Variants in NBEA observed in about 807,000 individuals in gnomAD.
NBEA encodes the protein neurobeachin.
Under a neutral mutation model 343.4 loss-of-function variants are expected in NBEA, and 44 were observed. That is an observed-to-expected ratio of 0.13 (90% confidence interval 0.10 to 0.16). The LOEUF is 0.16. NBEA is among the 10% of genes least tolerant of loss of function. NBEA has a pLI of 1.00. For synonymous variants in NBEA, 1,175 were observed against 1,238.7 expected, an observed-to-expected ratio of 0.95 and a Z score of 1.08; for missense variants, 2,555 against 3,631.3, an observed-to-expected ratio of 0.70 and a Z score of 7.62.
chr13:35,308,472 A>ATGTGTATATATATG (rs1229987422), intron 35 of NBEA, among the ~76,000 whole-genome samples: 1 of 98,460 alleles, frequency 1.0e-5, no homozygotes, highest in Non-Finnish European at 2.0e-5. Context: ...ATATATATAT[A>ATGTGTATATATATG]TGTATATATA....
At chr13:35,644,530 G>C (rs2084125382) in intron 49 of NBEA, among the ~76,000 whole-genome samples, 1 of 152,170 alleles carries the variant, frequency 6.6e-6, no homozygotes, top group African/African-American at 2.4e-5. Context: ...CACTGATCTA[G>C]AGATTAAAAC....
Position 35,509,281 on chromosome 13 carries a change from A to G in NBEA, c.6585+36745A>G, listed in dbSNP as rs149550093. The stretch of plus-strand genomic sequence containing the variant: ...CGCCACAACAGGAAATAAGTTCAGA[A>G]AGCTGTTACTTATAGATCCTGGGCA... On this transcript the variant is annotated intron_variant, in intron 41 of 58. Transcript: ENST00000379939. Among the ~76,000 whole-genome samples the G allele has an allele frequency of 4.4e-3, 665 of 152,274 alleles. 4 individuals carry two copies. Among genetic ancestry groups the G allele is most frequent in the African/African-American group, 0.015 (632 of 41,566 alleles).
chr13:35,627,994 A>T, intron 48 of NBEA, 87 bp from the exon 49 acceptor site: 2 of 963,556 alleles, frequency 2.1e-6, no homozygotes, highest in Non-Finnish European at 3.0e-6. Flanking sequence ...TCCTTTTTAT[A>T]TATATTTCAA....
intron 28 of NBEA, among the ~76,000 whole-genome samples, chr13:35,180,658 C>T (rs1593636245): frequency 6.6e-6 from 1 of 151,566 alleles, no homozygotes; most frequent in African/African-American, 2.4e-5. Context: ...GAATAATGGA[C>T]TATTATTTCT....
chr13:35,423,267 G>T (rs1422940725), intron 38 of NBEA, among the ~76,000 whole-genome samples: 3 of 152,128 alleles, frequency 2.0e-5, no homozygotes, highest in Non-Finnish European at 4.4e-5. Flanking sequence ...TTCTTTTAGG[G>T]ATTTTATGGT....
In NBEA at chr13:35,053,228, A is replaced by G. The variant is rs547893294; in HGVS notation, c.973-2782A>G. On this transcript the variant is annotated intron_variant, in intron 6 of 58. Transcript: ENST00000379939. ...TTATTTAGTTATACCACATTATGCA[A>G]AAAACAAAGGCCTAAAGGTCTGTTT... Among the ~76,000 whole-genome samples the G allele has an allele frequency of 2.6e-5, 4 of 152,270 alleles. No homozygotes were observed. The South Asian group carries it at 8.3e-4, about 32-fold the overall frequency.
intron 41 of NBEA, among the ~76,000 whole-genome samples, chr13:35,521,954 G>A (rs2077736100): frequency 6.6e-6 from 1 of 152,130 alleles, no homozygotes; most frequent in Non-Finnish European, 1.5e-5. Context: ...GAGAAAGATA[G>A]GAAGATTCTT....
At chr13:35,614,938 A>G (rs2082669253) in intron 48 of NBEA, among the ~76,000 whole-genome samples, 1 of 152,014 alleles carries the variant, frequency 6.6e-6, no homozygotes, top group Admixed American at 6.6e-5. Context: ...CATAATGGCA[A>G]TGATAGTGCT....
At chr13:34,957,079 A>G (rs955214301) in intron 1 of NBEA, among the ~76,000 whole-genome samples, 2 of 150,574 alleles carry the variant, frequency 1.3e-5, no homozygotes, top group African/African-American at 4.8e-5. Context: ...ATGTATAAAC[A>G]CAAACACATA....
chr13:35,041,068 C>T lies in NBEA; in HGVS notation c.430C>T (p.Leu144=). 2.5e-6 allele frequency: 4 copies of T among 1,613,130 alleles called. No homozygotes were observed. The highest frequency in any genetic ancestry group is 3.4e-6 in the Non-Finnish European group (4 of 1,179,426). The change falls in exon 2 of 59, where the codon CTA becomes TTA. Residue 144 remains leucine, a synonymous_variant. Coordinates refer to ENST00000379939, the MANE Select transcript of NBEA (RefSeq NM_001385012.1). ...AEIWSMFTAI[L]RKSVRNLQTS... Reference sequence around the variant, plus strand: ...AATATGGAGCATGTTTACAGCCATTCTACGAAAAAGTGTTCGGAATTTACA... The same window carrying T: ...AATATGGAGCATGTTTACAGCCATTTTACGAAAAAGTGTTCGGAATTTACA...
intron 41 of NBEA, among the ~76,000 whole-genome samples, chr13:35,531,889 A>C (rs1052983292): frequency 2.0e-5 from 3 of 152,164 alleles, no homozygotes; most frequent in Non-Finnish European, 4.4e-5. Context: ...TTCTTTTTTC[A>C]GCTTTTCACT....
intron 39 of NBEA, among the ~76,000 whole-genome samples, chr13:35,439,848 A>G (rs951222866): frequency 7.2e-5 from 11 of 151,902 alleles, no homozygotes; most frequent in African/African-American, 2.4e-4. Flanking sequence ...CTCAGTTGCT[A>G]TTTTTTTATT....
chr13:35,584,810 T>C (rs2081220700), intron 46 of NBEA, among the ~76,000 whole-genome samples: 1 of 151,888 alleles, frequency 6.6e-6, no homozygotes, highest in Non-Finnish European at 1.5e-5. Flanking sequence ...CAGCTATTAT[T>C]TTTAAACATG....
intron 45 of NBEA, among the ~76,000 whole-genome samples, chr13:35,574,140 G>T (rs2080590558): frequency 6.6e-6 from 1 of 152,020 alleles, no homozygotes. Context: ...TTTTGCATGT[G>T]TTTATTATAT....
intron 1 of NBEA, among the ~76,000 whole-genome samples, chr13:35,034,474 T>C (rs558184485): frequency 7.9e-5 from 12 of 151,898 alleles, no homozygotes; most frequent in South Asian, 2.1e-4. Flanking sequence ...TAGTTTTCTT[T>C]ATTTTATTTT....
intron 34 of NBEA, among the ~76,000 whole-genome samples, chr13:35,246,847 G>T (rs772677733): frequency 1.3e-5 from 2 of 152,160 alleles, no homozygotes; most frequent in Non-Finnish European, 2.9e-5. Context: ...CAGGGCCCTA[G>T]ATCTCCAAAG....
At chr13:35,342,831 A>C (rs1319254214) in intron 36 of NBEA, among the ~76,000 whole-genome samples, 1 of 151,872 alleles carries the variant, frequency 6.6e-6, no homozygotes, top group Admixed American at 6.6e-5. Context: ...TCTATCCCCA[A>C]CCCCTCCCCA....
At chr13:35,409,599 T>A (rs2043468485) in intron 38 of NBEA, among the ~76,000 whole-genome samples, 1 of 152,184 alleles carries the variant, frequency 6.6e-6, no homozygotes, top group Non-Finnish European at 1.5e-5. Flanking sequence ...TTATTTTTCA[T>A]ATTATGTAAC....
intron 41 of NBEA, among the ~76,000 whole-genome samples, chr13:35,515,581 A>G (rs1036821537): frequency 1.8e-4 from 27 of 152,184 alleles, no homozygotes; most frequent in Admixed American, 1.3e-4. Context: ...ATTGCCAAAA[A>G]ATTGCTATTT....
Sources: gnomAD v4.1 joint callset for allele counts (sites outside exome capture counted in the v4.1 genomes callset) on GRCh38, gnomAD v4.1.1 for gene constraint, MANE v1.5 for transcripts, NCBI Gene and HGNC (gene_info 2026-07-23, HGNC 2026-07-21) for gene names.